The following ANOS1 variants were observed in gnomAD, a reference collection of about 807,000 sequenced individuals.
ANOS1 encodes anosmin-1.
In ANOS1, 6 loss-of-function variants were observed where a neutral mutation model predicts 59.0. The ratio of observed to expected loss-of-function variants is 0.10; its 90% CI spans 0.06 to 0.20. ANOS1 has a LOEUF of 0.20. Ranked by LOEUF, ANOS1 falls within the 10% of genes least tolerant of loss-of-function variation. ANOS1 has a pLI of 1.00. For missense variants in ANOS1, 433 were observed against 542.3 expected (o/e 0.80, Z 2.00); for synonymous variants, 217 against 223.4 (o/e 0.97, Z 0.25).
chrX:8,615,175 C>T lies in ANOS1; in HGVS notation c.318+8433G>A, dbSNP rs940912513. Among the ~76,000 whole-genome samples the T allele has an allele frequency of 2.7e-5, 3 of 111,338 alleles. No homozygotes were observed. In the Admixed American group the frequency reaches 2.9e-4, roughly 11 times the overall value. ...ATACAAGTAACACTTTTATGTGTTA[C>T]AAAAATGTAAAATACCAATGTTAAT... On this transcript the variant is annotated intron_variant, in intron 3 of 13. Coordinates refer to ENST00000262648, the MANE Select transcript of ANOS1 (RefSeq NM_000216.4).
At chrX:8,632,131 C>T (rs756161550) in intron 2 of ANOS1, among the ~76,000 whole-genome samples, 22 of 111,973 alleles carry the variant, frequency 2.0e-4, no homozygotes, top group Non-Finnish European at 3.6e-4. Context: ...GACTCTGAAA[C>T]TCATGATTCT....
intron 2 of ANOS1, among the ~76,000 whole-genome samples, chrX:8,691,753 G>A (rs1369544716): frequency 8.9e-6 from 1 of 112,490 alleles, no homozygotes; most frequent in Non-Finnish European, 1.9e-5. Context: ...AGAACTTGGA[G>A]AAGTGCAATA....
At chrX:8,660,160 CT>C (rs749425267) in intron 2 of ANOS1, among the ~76,000 whole-genome samples, 1 of 111,395 alleles carries the variant, frequency 9.0e-6, no homozygotes, top group Admixed American at 9.5e-5. Flanking sequence ...AAACCCATCC[CT>C]GATAATGACT....
intron 3 of ANOS1, among the ~76,000 whole-genome samples, chrX:8,616,450 T>C (rs1378496436): frequency 9.0e-6 from 1 of 111,573 alleles, no homozygotes. Context: ...CTTTAAACAG[T>C]ACCTTCATGC....
In ANOS1 at chrX:8,597,014, C is replaced by T; in HGVS notation, c.541+20G>A. On this transcript the variant is annotated intron_variant, in intron 4 of 13. Coordinates refer to ENST00000262648, the MANE Select transcript of ANOS1 (RefSeq NM_000216.4). ...ATGTGACACTGCATGTGTCTTCACA[C>T]CCCCAGTGCTGCCCCTTACCTTTGT... 1.7e-6 allele frequency: 2 copies of T among 1,211,325 alleles called. No individual in the cohort carries two copies. The highest frequency in any genetic ancestry group is 2.2e-6 in the Non-Finnish European group (2 of 895,340).
chrX:8,688,735 A>T (rs1344504948), intron 2 of ANOS1, among the ~76,000 whole-genome samples: 1 of 112,221 alleles, frequency 8.9e-6, no homozygotes, highest in Non-Finnish European at 1.9e-5. Flanking sequence ...AAATCTAAAT[A>T]GGAACCCGTT....
chrX:8,683,170 G>T (rs945645570), intron 2 of ANOS1, among the ~76,000 whole-genome samples: 13 of 111,547 alleles, frequency 1.2e-4, no homozygotes, highest in African/African-American at 4.2e-4. Flanking sequence ...ATGCTTCAGT[G>T]ATATCAGAGG....
intron 2 of ANOS1, among the ~76,000 whole-genome samples, chrX:8,660,778 T>C (rs1185431117): frequency 8.9e-6 from 1 of 111,814 alleles, no homozygotes; most frequent in African/African-American, 3.3e-5. Context: ...TATATATTTA[T>C]CATAATAAAT....
At chrX:8,646,057 G>C in intron 2 of ANOS1, among the ~76,000 whole-genome samples, 1 of 111,982 alleles carries the variant, frequency 8.9e-6, no homozygotes, top group Middle Eastern at 4.6e-3. Flanking sequence ...GCCTCCCAAA[G>C]TGCTGGGATT....
At chrX:8,709,294 G>A (rs1932797524) in intron 1 of ANOS1, among the ~76,000 whole-genome samples, 1 of 109,194 alleles carries the variant, frequency 9.2e-6, no homozygotes. Context: ...AGAAAAAGCA[G>A]TACATATACA....
intron 11 of ANOS1, among the ~76,000 whole-genome samples, chrX:8,536,431 G>C (rs1039920094): frequency 5.5e-5 from 6 of 110,063 alleles, no homozygotes; most frequent in Non-Finnish European, 1.1e-4. Context: ...TGCCAGGTTG[G>C]CATGGAAAGT....
intron 3 of ANOS1, among the ~76,000 whole-genome samples, chrX:8,605,664 G>A (rs1188170257): frequency 7.3e-5 from 7 of 96,202 alleles, no homozygotes; most frequent in African/African-American, 1.5e-4. Context: ...AAAAAAAAAA[G>A]GAAAAGAAAG....
At chrX:8,580,357 C>G (rs1326538149) in intron 6 of ANOS1, among the ~76,000 whole-genome samples, 1 of 99,311 alleles carries the variant, frequency 1.0e-5, no homozygotes, top group Non-Finnish European at 1.9e-5. Flanking sequence ...TAAAAATTAT[C>G]CAAAACTCTT....
At chrX:8,659,920 C>A (rs777242310) in intron 2 of ANOS1, among the ~76,000 whole-genome samples, 1 of 111,353 alleles carries the variant, frequency 9.0e-6, no homozygotes, top group Non-Finnish European at 1.9e-5. Context: ...TGAGCCACTG[C>A]GCCCAGCTTG....
At chrX:8,596,845 T>C (rs746145379) in intron 4 of ANOS1, among the ~76,000 whole-genome samples, 189 bp downstream of exon 4, 44 of 112,286 alleles carry the variant, frequency 3.9e-4, no homozygotes, top group African/African-American at 1.4e-3. Context: ...CTGCCCCATG[T>C]CGAGTTAATA....
chrX:8,563,504 A>G (rs1930064167), intron 8 of ANOS1, among the ~76,000 whole-genome samples: 1 of 112,648 alleles, frequency 8.9e-6, no homozygotes, highest in Admixed American at 9.4e-5. Context: ...CCAAGTGAAA[A>G]CACAAACTCT....
At chrX:8,660,779 C>T (rs1485405238) in intron 2 of ANOS1, among the ~76,000 whole-genome samples, 1 of 111,638 alleles carries the variant, frequency 9.0e-6, no homozygotes, top group Non-Finnish European at 1.9e-5. Flanking sequence ...ATATATTTAT[C>T]ATAATAAATA....
chrX:8,593,857 G>C (rs757606727), intron 4 of ANOS1, among the ~76,000 whole-genome samples: 72 of 111,017 alleles, frequency 6.5e-4, no homozygotes, highest in African/African-American at 2.2e-3. Context: ...TATGTTTGTA[G>C]AGATAGGGAT....
chrX:8,576,483 C>CACACAT (rs758378371), intron 6 of ANOS1, among the ~76,000 whole-genome samples: 5,223 of 101,955 alleles, frequency 0.051, 190 homozygotes, highest in Admixed American at 0.14. Context: ...CACACACACA[C>CACACAT]ACACACATAC....
Sources: gnomAD v4.1 joint callset for allele counts (sites outside exome capture counted in the v4.1 genomes callset) on GRCh38, gnomAD v4.1.1 for gene constraint, MANE v1.5 for transcripts, NCBI Gene and HGNC (gene_info 2026-07-23, HGNC 2026-07-21) for gene names.